FOXP2: variants seen among roughly 807,000 people sequenced by gnomAD.
The protein encoded by FOXP2 is forkhead box protein P2.
A neutral mutation model predicts 115.8 loss-of-function variants in FOXP2; 12 were observed. The observed-to-expected ratio is 0.10, with a 90% CI of 0.07 to 0.17. The LOEUF (loss-of-function observed/expected upper bound fraction) is 0.17, where lower values mean the gene tolerates loss of function less well. Ranked by LOEUF, FOXP2 falls within the 10% of genes least tolerant of loss-of-function variation. The pLI, the probability that FOXP2 is intolerant of heterozygous loss-of-function variation, is 1.00. For synonymous variants in FOXP2, 328 were observed against 297.7 expected, an observed-to-expected ratio of 1.10 and a Z score of -1.05; for missense variants, 629 against 843.5, an observed-to-expected ratio of 0.75 and a Z score of 3.15.
At chr7:114,399,475 C>G (rs1792825642) in intron 2 of FOXP2, among the ~76,000 whole-genome samples, 1 of 152,032 alleles carries the variant, frequency 6.6e-6, no homozygotes, top group Non-Finnish European at 1.5e-5. Flanking sequence ...CTGATATATT[C>G]TGGGTATTAA....
At chr7:114,183,111 G>A (rs920998829) in intron 1 of FOXP2, among the ~76,000 whole-genome samples, 16 of 151,972 alleles carry the variant, frequency 1.1e-4, no homozygotes, top group Admixed American at 1.0e-3. Flanking sequence ...CAGTCTGTTG[G>A]GCTGTGTGTT....
rs1327397454 is a variant in FOXP2 at position 114,690,568 on chromosome 7, CT to C, written c.*644del. The C allele has an allele frequency of 2.2e-6, 1 of 454,038 alleles. No homozygotes were observed. Among genetic ancestry groups the C allele is most frequent in the Admixed American group, 2.4e-5 (1 of 42,548 alleles). 28.1% of individuals were successfully genotyped at this position (454,038 alleles called of 1,614,324 possible). ...TTAGACTGTTGCAACCATCTAAAAC[CT>C]TAGGCTTCCAGTCTGTGCTGTTAGT... On this transcript the variant is annotated 3_prime_UTR_variant, in exon 17 of 17. Coordinates refer to ENST00000350908, the MANE Select transcript of FOXP2 (RefSeq NM_014491.4).
rs546661295 is a variant in FOXP2, at chr7:114,348,940, G to T, written c.-11+60831G>T. Among the ~76,000 whole-genome samples, 19 of 152,062 alleles carry T rather than the reference G, an allele frequency of 1.2e-4. No homozygotes were observed. The South Asian group carries it at 3.7e-3, about 30-fold the overall frequency. ...TCTCAAAGCAAAATGGGCCAAATGG[G>T]CTCATGATGGATTCCAGAATCTTGT... On this transcript the variant is annotated intron_variant, in intron 2 of 17. Coordinates refer to the FOXP2 transcript ENST00000634411.
chr7:114,313,143 A>G (rs939550144), intron 2 of FOXP2, among the ~76,000 whole-genome samples: 11 of 152,244 alleles, frequency 7.2e-5, no homozygotes, highest in Non-Finnish European at 1.5e-4. Context: ...CACTACATGC[A>G]TCATTCAGGG....
chr7:114,310,695 A>G (rs188733866), intron 2 of FOXP2, among the ~76,000 whole-genome samples: 134 of 152,076 alleles, frequency 8.8e-4, no homozygotes, highest in African/African-American at 3.2e-3. Flanking sequence ...ACCTGGGAGA[A>G]GTTAGGGAGG....
At chr7:114,196,850 A>C (rs1024605250) in intron 1 of FOXP2, among the ~76,000 whole-genome samples, 1 of 152,068 alleles carries the variant, frequency 6.6e-6, no homozygotes, top group Non-Finnish European at 1.5e-5. Context: ...TTTAAAATAA[A>C]TTTTCTTAAC....
At chr7:114,433,120 T>C (rs1794186836) in intron 2 of FOXP2, among the ~76,000 whole-genome samples, 1 of 151,986 alleles carries the variant, frequency 6.6e-6, no homozygotes, top group South Asian at 2.1e-4. Flanking sequence ...GAAGCTAGGG[T>C]GACGTTTATA....
intron 1 of FOXP2, among the ~76,000 whole-genome samples, chr7:114,279,557 C>G (rs571337004): frequency 6.6e-6 from 1 of 152,228 alleles, no homozygotes; most frequent in East Asian, 1.9e-4. Context: ...GCATCTCTAG[C>G]AGCAGGAAAG....
chr7:114,560,127 A>T (rs1800692557), intron 3 of FOXP2, among the ~76,000 whole-genome samples: 1 of 152,188 alleles, frequency 6.6e-6, no homozygotes, highest in Non-Finnish European at 1.5e-5. Flanking sequence ...TGGAATGAGT[A>T]TATAGTGTTA....
chr7:114,561,817 T>C (rs1483584440), intron 3 of FOXP2, among the ~76,000 whole-genome samples: 1 of 152,102 alleles, frequency 6.6e-6, no homozygotes, highest in Non-Finnish European at 1.5e-5. Flanking sequence ...TGAGACATGG[T>C]CTTTCTCTAT....
intron 2 of FOXP2, among the ~76,000 whole-genome samples, chr7:114,429,995 A>G (rs1794032370): frequency 6.6e-6 from 1 of 151,694 alleles, no homozygotes; most frequent in African/African-American, 2.4e-5. Context: ...AAGACTGTTT[A>G]TGTGTAAGGA....
chr7:114,356,633 C>A (rs1001847046), intron 2 of FOXP2, among the ~76,000 whole-genome samples: 4 of 152,130 alleles, frequency 2.6e-5, no homozygotes, highest in Middle Eastern at 6.8e-3. Flanking sequence ...TTTGTGAATA[C>A]CACATGTTCT....
chr7:114,674,083 T>C (rs376964357), intron 16 of FOXP2, among the ~76,000 whole-genome samples: 27 of 152,334 alleles, frequency 1.8e-4, no homozygotes, highest in African/African-American at 6.3e-4. Context: ...AATTATAAGC[T>C]GTCATCATTA....
At chr7:114,502,105 G>A (rs1797588461) in intron 2 of FOXP2, among the ~76,000 whole-genome samples, 1 of 151,980 alleles carries the variant, frequency 6.6e-6, no homozygotes, top group Non-Finnish European at 1.5e-5. Context: ...TTACCTAAAT[G>A]TTTATATTAA....
intron 1 of FOXP2, among the ~76,000 whole-genome samples, chr7:114,186,201 C>T (rs1463090627): frequency 6.6e-6 from 1 of 152,130 alleles, no homozygotes; most frequent in African/African-American, 2.4e-5. Flanking sequence ...GTCCTTCTAA[C>T]ATACAAAATA....
intron 3 of FOXP2, among the ~76,000 whole-genome samples, chr7:114,564,169 A>G (rs545147714): frequency 6.6e-6 from 1 of 152,294 alleles, no homozygotes; most frequent in East Asian, 1.9e-4. Flanking sequence ...AGCTGGCCCC[A>G]TTTATAGCAT....
At chr7:114,139,385 A>G (rs1792139902) in intron 1 of FOXP2, among the ~76,000 whole-genome samples, 1 of 152,144 alleles carries the variant, frequency 6.6e-6, no homozygotes, top group Non-Finnish European at 1.5e-5. Context: ...TTCTGCCCAG[A>G]TCTATAGGGT....
rs181391191 is a variant in FOXP2 at position 114,209,276 on chromosome 7, C to T, written c.-102+46188C>T. Among the ~76,000 whole-genome samples the T allele has an allele frequency of 2.5e-3, 385 of 152,230 alleles. 2 individuals are homozygous for T. Among genetic ancestry groups the T allele is most frequent in the African/African-American group, 8.5e-3 (355 of 41,536 alleles). On this transcript the variant is annotated intron_variant, in intron 1 of 17. Transcript: ENST00000634411. ...TTCCACCATGATTGTAAGTTTCCTG[C>T]GGCCTCTCCAGCCATGCTGAACTGT...
At chr7:114,475,792 G>A (rs1439093832) in intron 2 of FOXP2, among the ~76,000 whole-genome samples, 5 of 151,392 alleles carry the variant, frequency 3.3e-5, no homozygotes, top group African/African-American at 4.9e-5. Flanking sequence ...CAGGTACCCC[G>A]TTTCTAATTT....
Sources: allele counts gnomAD v4.1 joint callset (sites outside exome capture counted in the v4.1 genomes callset), GRCh38; gene constraint gnomAD v4.1.1; transcripts MANE v1.5; gene names NCBI Gene and HGNC (gene_info 2026-07-23, HGNC 2026-07-21).